The following SGO1 variants were observed in gnomAD, a reference collection of about 807,000 sequenced individuals.
SGO1 encodes serologically defined breast cancer antigen NY-BR-85.
In SGO1, 39 loss-of-function variants were observed where a neutral mutation model predicts 50.5. That is an observed-to-expected ratio of 0.77 (90% CI 0.60 to 1.01). The LOEUF (loss-of-function observed/expected upper bound fraction) is 1.01. Among genes scored for constraint, SGO1 ranks in the 50% least tolerant of loss-of-function variants. The probability of loss-of-function intolerance (pLI) is 0.00; values close to 1 mark genes in which losing one functional copy is unlikely to be tolerated. For missense variants in SGO1, 638 were observed against 606.0 expected, an observed-to-expected ratio of 1.05 and a Z score of -0.55; for synonymous variants, 191 against 205.1, an observed-to-expected ratio of 0.93 and a Z score of 0.59.
At chr3:20,175,095 T>G (rs569901456) in intron 5 of SGO1, 40 bp from the exon 6 acceptor site, 6 of 1,364,082 alleles carry the variant, frequency 4.4e-6, no homozygotes, top group Admixed American at 2.8e-5. Flanking sequence ...TAGTTTTACT[T>G]TGTGGAAATT....
chr3:20,164,606 T>C (rs1436983978), downstream of SGO1, among the ~76,000 whole-genome samples: 1 of 152,024 alleles, frequency 6.6e-6, no homozygotes, highest in East Asian at 1.9e-4. Context: ...AGAAAAGACA[T>C]GCAAAATAGA....
chr3:20,177,710 AT>A (rs1486405924), intron 4 of SGO1, among the ~76,000 whole-genome samples: 3 of 152,220 alleles, frequency 2.0e-5, no homozygotes, highest in African/African-American at 7.2e-5. Flanking sequence ...AGTCAAACTC[AT>A]CAAATTGTAA....
downstream of SGO1, among the ~76,000 whole-genome samples, chr3:20,167,812 G>A (rs1003671610): frequency 1.3e-5 from 2 of 152,108 alleles, no homozygotes; most frequent in Non-Finnish European, 2.9e-5. Context: ...CTACAACCAA[G>A]CAACTCCACT....
Position 20,169,967 on chromosome 3 carries a change from T to G in SGO1, c.*737A>C. ...ACAATAATTTATTTTACTCAAATAT[T>G]GTACTAAAGAGTTTCAAAAGATCCT... On this transcript the variant is annotated 3_prime_UTR_variant, in exon 8 of 8. Transcript: ENST00000412997. 1 of 983,950 alleles carries G rather than the reference T, an allele frequency of 1.0e-6. No individual in the cohort carries two copies. Among genetic ancestry groups the G allele is most frequent in the South Asian group, 4.7e-5 (1 of 21,262 alleles). 61.0% of individuals were successfully genotyped at this position (983,950 alleles called of 1,614,324 possible).
upstream of SGO1, chr3:20,186,321 A>G (rs919878894): frequency 6.6e-6 from 1 of 152,276 alleles, no homozygotes; most frequent in East Asian, 1.9e-4. Flanking sequence ...ACGTCACGTG[A>G]CGCACATTCG....
At chr3:20,176,392 C>T (rs994601148) in intron 5 of SGO1, among the ~76,000 whole-genome samples, 3 of 151,776 alleles carry the variant, frequency 2.0e-5, no homozygotes, top group Admixed American at 1.3e-4. Context: ...TAGTTATAGC[C>T]AAAGATTCAG....
intron 1 of SGO1, among the ~76,000 whole-genome samples, chr3:20,185,719 G>A (rs1397732994): frequency 6.6e-6 from 1 of 152,162 alleles, no homozygotes; most frequent in Non-Finnish European, 1.5e-5. Context: ...CAGGCTTTTA[G>A]CTATTGTAAA....
At chr3:20,172,905 G>A (rs1700927612) in intron 6 of SGO1, among the ~76,000 whole-genome samples, 1 of 151,864 alleles carries the variant, frequency 6.6e-6, no homozygotes, top group South Asian at 2.1e-4. Context: ...GGTTGAGACT[G>A]CAGTGAGCCA....
At chr3:20,169,147 T>C (rs1700476321), downstream of SGO1, 2 of 985,250 alleles carry the variant, frequency 2.0e-6, no homozygotes, top group Non-Finnish European at 2.4e-6. Context: ...CTGACTGACA[T>C]AGAATACAGA....
chr3:20,180,451 T>C (rs953659177), intron 3 of SGO1, among the ~76,000 whole-genome samples: 4 of 152,096 alleles, frequency 2.6e-5, no homozygotes, highest in African/African-American at 2.4e-5. Context: ...GGTTGAGAGA[T>C]ACGAAAGCAC....
In SGO1 at chr3:20,171,510, A is replaced by G. The variant is rs900523751; in HGVS notation, c.1283-278T>C. 3.3e-5 allele frequency among the ~76,000 whole-genome samples: 5 copies of G among 152,226 alleles called. No individual in the cohort carries two copies. The South Asian group carries it at 1.0e-3, about 32-fold the overall frequency. On this transcript the variant is annotated intron_variant, in intron 6 of 7. Transcript: ENST00000412997. Reference sequence around the variant, plus strand: ...TGCACCACCATGCCCAGCCAATAATAAATTCTTTTTTTAGCTTTTTCATCA... The same window carrying G: ...TGCACCACCATGCCCAGCCAATAATGAATTCTTTTTTTAGCTTTTTCATCA...
rs765926152 is a variant in SGO1 at position 20,183,659 on chromosome 3, T to C, written c.288A>G (p.Leu96=). The change falls in exon 3 of 8, where the codon CTA becomes CTG. Residue 96 remains leucine (L), a synonymous_variant. Coordinates refer to ENST00000412997, the MANE Select transcript of SGO1 (RefSeq NM_001199251.3). ...RKECYYLTCQ[L]YALKGKLTSQ... ...ATGTAAGTTTTCCTTTCAATGCATA[T>C]AGCTGACATGTGAGATAGTAACATT... 10 of 1,610,460 alleles carry C rather than the reference T, an allele frequency of 6.2e-6. No homozygotes were observed. Among genetic ancestry groups the C allele is most frequent in the Non-Finnish European group, 8.5e-6 (10 of 1,179,112 alleles).
chr3:20,169,475 A>G (rs2125252915), downstream of SGO1: 2 of 980,892 alleles, frequency 2.0e-6, no homozygotes, highest in South Asian at 9.4e-5. Context: ...ATAGAAGGAA[A>G]GCAATCACTA....
chr3:20,173,832 T>C (rs1701052874), intron 6 of SGO1, among the ~76,000 whole-genome samples: 1 of 152,210 alleles, frequency 6.6e-6, no homozygotes, highest in Non-Finnish European at 1.5e-5. Flanking sequence ...GAAGATTATT[T>C]TAAATCACGG....
chr3:20,172,623 AT>A (rs965154395), intron 6 of SGO1, among the ~76,000 whole-genome samples: 12 of 151,604 alleles, frequency 7.9e-5, no homozygotes, highest in African/African-American at 2.7e-4. Context: ...TTTAGAGTAT[AT>A]TTTTTTCGTT....
downstream of SGO1, among the ~76,000 whole-genome samples, chr3:20,166,254 T>A (rs1265145177): frequency 6.6e-6 from 1 of 152,176 alleles, no homozygotes; most frequent in Non-Finnish European, 1.5e-5. Context: ...GATAAGGGAC[T>A]AATATCTAAT....
In SGO1 at chr3:20,170,590, G is replaced by A. The variant is rs1397196662; in HGVS notation, c.*114C>T. ...AGAAATGTTTATGAGCTAGGGTCCTGTCAAGAGAATATTCTATGGCAATGG... is the reference window on the plus strand; with the variant it reads ...AGAAATGTTTATGAGCTAGGGTCCTATCAAGAGAATATTCTATGGCAATGG... On this transcript the variant is annotated 3_prime_UTR_variant, in exon 8 of 8. Coordinates refer to ENST00000412997, the MANE Select transcript of SGO1 (RefSeq NM_001199251.3). 5.1e-6 allele frequency: 7 copies of A among 1,377,414 alleles called. No homozygotes were observed. The highest frequency in any genetic ancestry group is 5.6e-6 in the Non-Finnish European group (6 of 1,069,472). The allele number at this position is 1,377,414 out of a possible 1,614,324, so 85.3% of individuals were successfully genotyped here.
chr3:20,161,256 C>A, intron 8 of SGO1: 1 of 1,508,824 alleles, frequency 6.6e-7, no homozygotes, highest in South Asian at 1.3e-5. Flanking sequence ...AATCAGTCTA[C>A]AGAGATGTTT....
intron 1 of SGO1, among the ~76,000 whole-genome samples, chr3:20,184,828 T>C (rs1375044768): frequency 7.9e-6 from 1 of 126,762 alleles, no homozygotes; most frequent in South Asian, 2.7e-4. Flanking sequence ...TCTTTCAACG[T>C]TGCAAATCAG....
Sources: gnomAD v4.1 joint callset for allele counts (sites outside exome capture counted in the v4.1 genomes callset) on GRCh38, gnomAD v4.1.1 for gene constraint, MANE v1.5 for transcripts, NCBI Gene and HGNC (gene_info 2026-07-23, HGNC 2026-07-21) for gene names.